The following DIAPH2 variants were observed in gnomAD, a reference collection of about 807,000 sequenced individuals.
DIAPH2 encodes protein diaphanous homolog 2.
In DIAPH2, 35 loss-of-function variants were observed where a neutral mutation model predicts 92.7. The observed-to-expected ratio is 0.38, with a 90% CI of 0.29 to 0.50. The LOEUF (loss-of-function observed/expected upper bound fraction) is 0.50, where lower values mean the gene tolerates loss of function less well. Ranked by LOEUF, DIAPH2 falls within the 20% of genes least tolerant of loss-of-function variation. The pLI is 0.94. For missense variants in DIAPH2, 701 were observed against 819.5 expected (o/e 0.86, Z 1.77); for synonymous variants, 301 against 280.4 (o/e 1.07, Z -0.73).
intron 23 of DIAPH2, among the ~76,000 whole-genome samples, chrX:97,323,593 GA>G (rs1199744995): frequency 0.027 from 634 of 23,264 alleles, 2 homozygotes; most frequent in South Asian, 0.032. Context: ...TCCGTCTCAA[GA>G]AAAAAAAAAA....
At chrX:97,397,455 A>T (rs1237279865) in intron 25 of DIAPH2, among the ~76,000 whole-genome samples, 1 of 111,651 alleles carries the variant, frequency 9.0e-6, no homozygotes, top group Non-Finnish European at 1.9e-5. Context: ...AAAGTTGCGT[A>T]GGAATTATTT....
intron 26 of DIAPH2, among the ~76,000 whole-genome samples, chrX:97,518,508 ATGTGTGTATATATATATATG>A (rs1170136938): frequency 1.8e-5 from 2 of 109,296 alleles, no homozygotes; most frequent in African/African-American, 6.7e-5. Context: ...ATGTGTGTGT[ATGTGTGTATATATATATATG>A]TGTGTGTATA....
At chrX:96,796,127 A>G (rs2064537073) in intron 4 of DIAPH2, among the ~76,000 whole-genome samples, 1 of 111,335 alleles carries the variant, frequency 9.0e-6, no homozygotes, top group African/African-American at 3.3e-5. Context: ...ATATGACTGT[A>G]TTTATTTCTA....
intron 16 of DIAPH2, among the ~76,000 whole-genome samples, chrX:96,962,154 C>T (rs1187592720): frequency 9.7e-6 from 1 of 103,474 alleles, no homozygotes; most frequent in Non-Finnish European, 2.0e-5. Context: ...TTAGAGTGTA[C>T]CTTTCCCTTT....
At chrX:97,056,397 ATTAC>A (rs975943440) in intron 17 of DIAPH2, among the ~76,000 whole-genome samples, 1 of 111,761 alleles carries the variant, frequency 8.9e-6, no homozygotes, top group African/African-American at 3.2e-5. Flanking sequence ...CATTACTGGA[ATTAC>A]TTAAGCAAAA....
In DIAPH2 at chrX:97,007,097, CTT is replaced by C. The variant is rs569044950; in HGVS notation, c.2050+41894_2050+41895del. ...TTAGCCTCATCCCCTTGCTTTTTAA[CTT>C]TTTGTTTTTTCTCTTTATATCTTAT... On this transcript the variant is annotated intron_variant, in intron 17 of 26. Transcript: ENST00000324765. Among the ~76,000 whole-genome samples, 151 of 111,327 alleles carry C rather than the reference CTT, an allele frequency of 1.4e-3. 2 individuals are homozygous for C. The South Asian group carries it at 0.056, about 41-fold the overall frequency.
chrX:97,136,384 A>G (rs953166137), intron 21 of DIAPH2, among the ~76,000 whole-genome samples: 5 of 111,964 alleles, frequency 4.5e-5, no homozygotes, highest in Middle Eastern at 4.2e-3. Context: ...AACTTGCCCA[A>G]GGTCATACAA....
chrX:97,185,421 A>G (rs761489516), intron 22 of DIAPH2, among the ~76,000 whole-genome samples: 856 of 50,411 alleles, frequency 0.017, 192 homozygotes, highest in African/African-American at 0.083. Flanking sequence ...GTATATATAT[A>G]TGTATATATA....
At chrX:97,085,687 G>C (rs1472050565) in intron 19 of DIAPH2, among the ~76,000 whole-genome samples, 1 of 111,685 alleles carries the variant, frequency 9.0e-6, no homozygotes, top group Non-Finnish European at 1.9e-5. Flanking sequence ...AAAGTGCTAG[G>C]ATTACAGGCC....
At chrX:97,241,682 G>A (rs1029144100) in intron 22 of DIAPH2, among the ~76,000 whole-genome samples, 2 of 110,352 alleles carry the variant, frequency 1.8e-5, no homozygotes, top group Non-Finnish European at 3.8e-5. Context: ...AGATTCAACT[G>A]ATACATTTCT....
intron 22 of DIAPH2, among the ~76,000 whole-genome samples, chrX:97,243,559 A>G (rs1291468061): frequency 8.9e-6 from 1 of 111,966 alleles, no homozygotes; most frequent in Non-Finnish European, 1.9e-5. Context: ...ATAAGCTAGA[A>G]TTCTCAGATT....
intron 23 of DIAPH2, among the ~76,000 whole-genome samples, chrX:97,272,910 CT>C (rs1287912776): frequency 8.9e-6 from 1 of 112,013 alleles, no homozygotes; most frequent in Non-Finnish European, 1.9e-5. Flanking sequence ...AATCCCAGCA[CT>C]TTGGGAGGCC....
At chrX:97,291,444 A>G in intron 23 of DIAPH2, among the ~76,000 whole-genome samples, 1 of 111,866 alleles carries the variant, frequency 8.9e-6, no homozygotes, top group Admixed American at 9.5e-5. Flanking sequence ...GTCTATCTCC[A>G]TATTTTTTCT....
intron 17 of DIAPH2, among the ~76,000 whole-genome samples, chrX:97,004,228 T>C (rs1480010760): frequency 9.0e-6 from 1 of 111,618 alleles, no homozygotes; most frequent in Non-Finnish European, 1.9e-5. Flanking sequence ...ATATGATTCT[T>C]CCAGTTTTGT....
intron 19 of DIAPH2, among the ~76,000 whole-genome samples, chrX:97,085,728 A>G (rs755748928): frequency 8.9e-6 from 1 of 112,217 alleles, no homozygotes; most frequent in South Asian, 3.7e-4. Flanking sequence ...AGAATTTGTC[A>G]TATTAAATAA....
intron 5 of DIAPH2, among the ~76,000 whole-genome samples, chrX:96,905,202 G>A (rs1226207097): frequency 6.3e-5 from 7 of 111,827 alleles, no homozygotes; most frequent in Non-Finnish European, 9.4e-5. Context: ...TGAAAGAGAT[G>A]TTAATTTGGA....
intron 22 of DIAPH2, among the ~76,000 whole-genome samples, chrX:97,221,711 T>G (rs2069029529): frequency 8.9e-6 from 1 of 111,891 alleles, no homozygotes; most frequent in Admixed American, 9.5e-5. Flanking sequence ...TAAACAATTT[T>G]TTGTTGTTGT....
At chrX:96,837,517 A>G (rs2064907096) in intron 4 of DIAPH2, among the ~76,000 whole-genome samples, 1 of 108,180 alleles carries the variant, frequency 9.2e-6, no homozygotes, top group Non-Finnish European at 1.9e-5. Flanking sequence ...ACAAGATGAG[A>G]TAGTGAAACC....
At chrX:97,078,778 G>C (rs2066721945) in intron 19 of DIAPH2, among the ~76,000 whole-genome samples, 1 of 110,758 alleles carries the variant, frequency 9.0e-6, no homozygotes, top group African/African-American at 3.3e-5. Context: ...TGTAGGGTAG[G>C]GTGGGCTGTG....
Sources: allele counts gnomAD v4.1 joint callset (sites outside exome capture counted in the v4.1 genomes callset), GRCh38; gene constraint gnomAD v4.1.1; transcripts MANE v1.5; gene names NCBI Gene and HGNC (gene_info 2026-07-23, HGNC 2026-07-21).